Variants in DNM1L observed in about 807,000 individuals in gnomAD.
DNM1L encodes the protein dynamin 1L, also known as dynamin-1-like protein.
DNM1L carries 33 observed loss-of-function variants against 92.8 expected under a neutral mutation model. The observed-to-expected ratio is 0.36, with a 90% CI of 0.27 to 0.48. DNM1L has a LOEUF of 0.48. Ranked by LOEUF, DNM1L falls within the 20% of genes least tolerant of loss-of-function variation. The pLI is 0.99. For missense variants in DNM1L, 485 were observed against 888.8 expected (o/e 0.55, Z 5.78); for synonymous variants, 284 against 305.0 (o/e 0.93, Z 0.72).
At chr12:32,704,035 G>A (rs372467182) in intron 2 of DNM1L, among the ~76,000 whole-genome samples, 6 of 151,968 alleles carry the variant, frequency 3.9e-5, no homozygotes, top group South Asian at 4.1e-4. Flanking sequence ...AGAACTCCAC[G>A]GTTATCTTTC....
At chr12:32,728,465 TATA>T (rs1212294322) in intron 9 of DNM1L, 1 of 152,352 alleles carries the variant, frequency 6.6e-6, no homozygotes, top group South Asian at 2.1e-4. Flanking sequence ...TATTGTTAGA[TATA>T]ATTCATATTC....
chr12:32,702,403 G>A (rs66512341), intron 2 of DNM1L, among the ~76,000 whole-genome samples: 21,491 of 152,026 alleles, frequency 0.14, 1,558 homozygotes, highest in Middle Eastern at 0.19. Flanking sequence ...GGTTTGAAAT[G>A]TTGAATGAGA....
chr12:32,691,715 A>C (rs1029823764), intron 1 of DNM1L, among the ~76,000 whole-genome samples: 13 of 151,858 alleles, frequency 8.6e-5, no homozygotes, highest in African/African-American at 3.2e-4. Flanking sequence ...AATTTATTAG[A>C]GATAAGAGAT....
chr12:32,680,078 G>C, intron 1 of DNM1L: 1 of 889,748 alleles, frequency 1.1e-6, no homozygotes. Flanking sequence ...AACAAAACGT[G>C]TATCTAGAGT....
At chr12:32,707,477 TAA>T in intron 3 of DNM1L, 64 bp downstream of exon 3, 1 of 1,174,708 alleles carries the variant, frequency 8.5e-7, no homozygotes, top group Non-Finnish European at 1.2e-6. Flanking sequence ...GAATACTTGA[TAA>T]TTTAGTTTCT....
chr12:32,721,634 A>G (rs1454265164), intron 8 of DNM1L, among the ~76,000 whole-genome samples: 4 of 152,190 alleles, frequency 2.6e-5, no homozygotes, highest in Non-Finnish European at 4.4e-5. Flanking sequence ...CAAGCAAGGA[A>G]TTCTCCAGGG....
chr12:32,729,721 A>C (rs1428154313), intron 9 of DNM1L, among the ~76,000 whole-genome samples: 1 of 152,100 alleles, frequency 6.6e-6, no homozygotes, highest in Non-Finnish European at 1.5e-5. Context: ...CAGCCTTCCA[A>C]AGTGTTGGGA....
intron 6 of DNM1L, among the ~76,000 whole-genome samples, chr12:32,714,716 T>A (rs1171663531): frequency 6.6e-6 from 1 of 151,820 alleles, no homozygotes; most frequent in Non-Finnish European, 1.5e-5. Context: ...CTGGGCTCAG[T>A]GGCTCATGCC....
At chr12:32,742,547 A>G in intron 18 of DNM1L, 42 bp from the exon 19 acceptor site, 1 of 1,613,148 alleles carries the variant, frequency 6.2e-7, no homozygotes, top group Non-Finnish European at 8.5e-7. Flanking sequence ...TGTTAAAAGT[A>G]GAATTTTGGC....
At chr12:32,742,001 C>T (rs1955333145) in intron 18 of DNM1L, among the ~76,000 whole-genome samples, 1 of 151,892 alleles carries the variant, frequency 6.6e-6, no homozygotes, top group South Asian at 2.1e-4. Flanking sequence ...CATTCATCAG[C>T]TGATGTTTGG....
chr12:32,738,401 T>G, intron 16 of DNM1L, 105 bp downstream of exon 16: 111 of 1,231,502 alleles, frequency 9.0e-5, no homozygotes, highest in Non-Finnish European at 1.1e-4. Context: ...TATCTATCTC[T>G]TGTCTGTGTT....
intron 2 of DNM1L, chr12:32,706,969 A>G (rs1952952323): frequency 4.9e-6 from 1 of 205,172 alleles, no homozygotes; most frequent in Admixed American, 5.7e-5. Flanking sequence ...CTTAGCTACT[A>G]ACTTTATTTT....
intron 13 of DNM1L, 100 bp downstream of exon 13, chr12:32,733,907 G>C (rs760368521): frequency 2.0e-4 from 207 of 1,042,636 alleles, no homozygotes; most frequent in Admixed American, 5.3e-5. Context: ...AAATAGACAT[G>C]TGCCACATTA....
At chr12:32,718,512 C>T in intron 6 of DNM1L, 131 bp from the exon 7 acceptor site, 1 of 1,166,054 alleles carries the variant, frequency 8.6e-7, no homozygotes, top group South Asian at 1.3e-5. Context: ...TAAGGCATTA[C>T]CAAAATGATG....
At position 32,736,409 on chromosome 12, in the gene DNM1L, T is replaced by C. The variant is rs74945145; in HGVS notation, c.1540-696T>C. Among the ~76,000 whole-genome samples, 215 of 152,280 alleles carry C rather than the reference T, an allele frequency of 1.4e-3. 1 individual carries two copies. The highest frequency in any genetic ancestry group is 4.9e-3 in the African/African-American group (203 of 41,570). ...TTTTACCTATCTTGGTGCTTGGATATAGCAGATGCTCGGGACATTCTAATT... is the reference window on the plus strand; with the variant it reads ...TTTTACCTATCTTGGTGCTTGGATACAGCAGATGCTCGGGACATTCTAATT... On this transcript the variant is annotated intron_variant, in intron 13 of 19. Transcript: ENST00000549701.
chr12:32,698,583 C>T (rs996105993), intron 1 of DNM1L, among the ~76,000 whole-genome samples: 1 of 152,156 alleles, frequency 6.6e-6, no homozygotes, highest in African/African-American at 2.4e-5. Flanking sequence ...CTGCTTCCTG[C>T]AGACCCTGTC....
At chr12:32,727,785 C>G (rs888645692) in intron 9 of DNM1L, among the ~76,000 whole-genome samples, 3 of 152,180 alleles carry the variant, frequency 2.0e-5, no homozygotes, top group African/African-American at 7.2e-5. Context: ...CAGTCTCCTA[C>G]TACTGGATAG....
rs780829993 is a variant in DNM1L, at chr12:32,737,096, G to C, written c.1540-9G>C. 2.5e-6 allele frequency: 4 copies of C among 1,613,460 alleles called. No homozygotes were observed. In the African/African-American group the frequency reaches 5.3e-5, roughly 22 times the overall value. On this transcript the variant is annotated splice_polypyrimidine_tract_variant and intron_variant, in intron 13 of 19. Coordinates refer to ENST00000549701, the MANE Select transcript of DNM1L (RefSeq NM_012062.5). ...GGATAATCACTTTTGTTTTGCTTGT[G>C]TTTCTTAGGAACAAAGGAGAAACAG...
intron 1 of DNM1L, among the ~76,000 whole-genome samples, chr12:32,695,067 C>T (rs1218001783): frequency 6.6e-6 from 1 of 152,154 alleles, no homozygotes; most frequent in Non-Finnish European, 1.5e-5. Context: ...AATTGAGTAT[C>T]CTCTGAAGAA....
Sources: gnomAD v4.1 joint callset for allele counts (sites outside exome capture counted in the v4.1 genomes callset) on GRCh38, gnomAD v4.1.1 for gene constraint, MANE v1.5 for transcripts, NCBI Gene and HGNC (gene_info 2026-07-23, HGNC 2026-07-21) for gene names.